Variants in ATF3 observed in about 807,000 individuals in gnomAD.
The protein encoded by ATF3 is activating transcription factor 3, also known as cyclic AMP-dependent transcription factor ATF-3.
ATF3 carries 10 observed loss-of-function variants against 18.4 expected under a neutral mutation model. That is an observed-to-expected ratio of 0.54 (90% CI 0.34 to 0.92). ATF3 has a LOEUF of 0.92. ATF3 is among the 40% of genes least tolerant of loss of function. The pLI, the probability that ATF3 is intolerant of heterozygous loss-of-function variation, is 0.02. For missense variants in ATF3, 183 were observed against 222.3 expected (o/e 0.82, Z 1.12); for synonymous variants, 78 against 87.9 (o/e 0.89, Z 0.63).
chr1:212,617,757 A>G (rs1266728604), intron 2 of ATF3, among the ~76,000 whole-genome samples: 1 of 152,164 alleles, frequency 6.6e-6, no homozygotes, highest in Non-Finnish European at 1.5e-5. Context: ...AAGAAAGGAG[A>G]TGTTTACCAG....
At chr1:212,572,254 C>CGTGGTGA (rs1664498011) in intron 1 of ATF3, among the ~76,000 whole-genome samples, 1 of 152,082 alleles carries the variant, frequency 6.6e-6, no homozygotes, top group African/African-American at 2.4e-5. Flanking sequence ...TGGTGGTTCA[C>CGTGGTGA]GTCTGTAATC....
Position 212,618,105 on chromosome 1 carries a change from G to T in ATF3, c.241-22G>T, listed in dbSNP as rs371631256. 6.2e-7 allele frequency: 1 copy of T among 1,612,668 alleles called. No individual in the cohort carries two copies. Among genetic ancestry groups the T allele is most frequent in the Non-Finnish European group, 8.5e-7 (1 of 1,178,842 alleles). Reference sequence around the variant, plus strand: ...TGGCATTTCTTACTGCCCTTTAAATGTGTTTCTTTTGGATTTTACAGGTAG... The same window carrying T: ...TGGCATTTCTTACTGCCCTTTAAATTTGTTTCTTTTGGATTTTACAGGTAG... On this transcript the variant is annotated intron_variant, in intron 2 of 3. Coordinates refer to ENST00000341491, the MANE Select transcript of ATF3 (RefSeq NM_001674.4). The surrounding 1 kb of genome is among the most constrained non-coding windows in gnomAD (Gnocchi z 4.4).
intron 1 of ATF3, among the ~76,000 whole-genome samples, chr1:212,577,547 C>T (rs567565318): frequency 2.0e-5 from 3 of 152,160 alleles, no homozygotes; most frequent in African/African-American, 7.2e-5. Flanking sequence ...ACCAACATCG[C>T]TTCAACTCAC....
chr1:212,619,791 A>G lies in ATF3; in HGVS notation c.*236A>G, dbSNP rs937439872. The G allele has an allele frequency of 8.8e-6, 4 of 454,690 alleles. No homozygotes were observed. The highest frequency in any genetic ancestry group is 8.0e-5 in the African/African-American group (4 of 50,124). 28.2% of individuals were successfully genotyped at this position (454,690 alleles called of 1,614,324 possible). A position where few individuals can be genotyped will look rare whatever the true frequency, so the allele number is the denominator to read the frequency against. ...TCAACTCCAGGATTTAGGCCTTAAC[A>G]CACTGGCCATTCTTATGTTCCAGAT... is the stretch of plus-strand genomic sequence containing the variant. On this transcript the variant is annotated 3_prime_UTR_variant, in exon 4 of 4. Transcript: ENST00000341491. The surrounding 1 kb of genome is among the most constrained non-coding windows in gnomAD (Gnocchi z 4.4).
At chr1:212,611,430 C>A (rs1263628420) in intron 1 of ATF3, among the ~76,000 whole-genome samples, 1 of 152,110 alleles carries the variant, frequency 6.6e-6, no homozygotes, top group Admixed American at 6.5e-5. Flanking sequence ...TCTCAACAGC[C>A]CTTTGGGGAA....
At position 212,620,025 on chromosome 1, in the gene ATF3, A is replaced by C. The variant is rs1225780830; in HGVS notation, c.*470A>C. On this transcript the variant is annotated 3_prime_UTR_variant, in exon 4 of 4. Transcript: ENST00000341491. ...TGCAACGGCCAGGGTTGTGCTTTCTAGCAAATATGCTGTTATGTCCAGAAA... is the reference window on the plus strand; with the variant it reads ...TGCAACGGCCAGGGTTGTGCTTTCTCGCAAATATGCTGTTATGTCCAGAAA... 4.9e-6 allele frequency: 1 copy of C among 204,468 alleles called. No homozygotes were observed. The highest frequency in any genetic ancestry group is 2.3e-5 in the African/African-American group (1 of 43,364). The allele number at this position is 204,468 out of a possible 1,614,324, so 12.7% of individuals were successfully genotyped here.
At chr1:212,613,042 G>T (rs1035777752) in intron 1 of ATF3, among the ~76,000 whole-genome samples, 1 of 152,182 alleles carries the variant, frequency 6.6e-6, no homozygotes, top group African/African-American at 2.4e-5. Context: ...AAAAAGCCAC[G>T]GGGAGGTACA....
Position 212,619,175 on chromosome 1 carries a change from TGAA to T in ATF3, c.349-177_349-175del. 6.2e-7 allele frequency: 1 copy of T among 1,613,244 alleles called. No homozygotes were observed. The highest frequency in any genetic ancestry group is 2.2e-5 in the East Asian group (1 of 44,880). Reference sequence around the variant, plus strand: ...CTCTGTGGCATCACCAGGGTTTCTCTGAAGAAGAGGGTCTGCATTTTCCTAAAC... The same window carrying T: ...CTCTGTGGCATCACCAGGGTTTCTCTGAAGAGGGTCTGCATTTTCCTAAAC... On this transcript the variant is annotated intron_variant, in intron 3 of 3. Transcript: ENST00000341491. This position sits in a 1 kb window ranked among gnomAD's most constrained non-coding sequence, Gnocchi z 4.4.
chr1:212,569,559 G>T (rs78906668), intron 1 of ATF3, among the ~76,000 whole-genome samples: 1 of 152,210 alleles, frequency 6.6e-6, no homozygotes, highest in South Asian at 2.1e-4. Flanking sequence ...CAGTGGAGAC[G>T]CAGGGGAAAG....
At chr1:212,578,772 G>A (rs945543175) in intron 1 of ATF3, among the ~76,000 whole-genome samples, 4 of 151,892 alleles carry the variant, frequency 2.6e-5, no homozygotes, top group Admixed American at 6.6e-5. Context: ...TCCCTCACTC[G>A]GTGCTCATCC....
At chr1:212,595,638 A>G (rs1415768519) in intron 1 of ATF3, among the ~76,000 whole-genome samples, 2 of 152,220 alleles carry the variant, frequency 1.3e-5, no homozygotes, top group Non-Finnish European at 2.9e-5. Context: ...AGAAACAAAA[A>G]TATCCTCTAA....
intron 1 of ATF3, among the ~76,000 whole-genome samples, chr1:212,612,275 G>A (rs1204940341): frequency 6.6e-6 from 1 of 152,168 alleles, no homozygotes; most frequent in Non-Finnish European, 1.5e-5. Context: ...TGGGACTGCT[G>A]ACTTTACATA....
chr1:212,619,315 G>A lies in ATF3; in HGVS notation c.349-43G>A. On this transcript the variant is annotated intron_variant, in intron 3 of 3. Transcript: ENST00000341491. This position sits in a 1 kb window ranked among gnomAD's most constrained non-coding sequence, Gnocchi z 4.4. ...AGCCCAGGCCACCCCCTCCTCACTG[G>A]CCCTTGGCTCCTTTCTTGATGCCTC... is the stretch of plus-strand genomic sequence containing the variant. The A allele has an allele frequency of 6.2e-7, 1 of 1,612,226 alleles. No homozygotes were observed. The highest frequency in any genetic ancestry group is 8.5e-7 in the Non-Finnish European group (1 of 1,179,972).
chr1:212,603,653 C>T (rs1407997237), intron 1 of ATF3, among the ~76,000 whole-genome samples: 1 of 152,106 alleles, frequency 6.6e-6, no homozygotes, highest in Non-Finnish European at 1.5e-5. Context: ...AATCATAGAA[C>T]ATCCATTGGC....
chr1:212,615,681 A>G lies in ATF3; in HGVS notation c.240+420A>G, dbSNP rs149035026. Reference sequence around the variant, plus strand: ...AGCTGGGCAAGGTGGTACATGGCCTATAGTCTCATCTACTTGCGAGGCTGA... The same window carrying G: ...AGCTGGGCAAGGTGGTACATGGCCTGTAGTCTCATCTACTTGCGAGGCTGA... On this transcript the variant is annotated intron_variant, in intron 2 of 3. Transcript: ENST00000341491. Among the ~76,000 whole-genome samples the G allele has an allele frequency of 3.4e-3, 518 of 151,782 alleles. 3 individuals carry two copies. Among genetic ancestry groups the G allele is most frequent in the African/African-American group, 0.012 (490 of 41,460 alleles).
intron 1 of ATF3, among the ~76,000 whole-genome samples, chr1:212,594,621 G>A (rs2102636777): frequency 6.6e-6 from 1 of 152,324 alleles, no homozygotes; most frequent in Middle Eastern, 3.4e-3. Context: ...GATGAGGGTG[G>A]CAGGGGTACA....
chr1:212,617,869 T>TA (rs1655194441), intron 2 of ATF3, among the ~76,000 whole-genome samples: 1 of 152,258 alleles, frequency 6.6e-6, no homozygotes, highest in South Asian at 2.1e-4. Context: ...TAAAATTGGC[T>TA]AACTTTTAAT....
rs192843109 is a variant in ATF3 at position 212,615,291 on chromosome 1, C to T, written c.240+30C>T. 649 of 1,609,822 alleles carry T rather than the reference C, an allele frequency of 4.0e-4. 2 individuals are homozygous for T. In the African/African-American group the frequency reaches 6.5e-3, roughly 16 times the overall value. On this transcript the variant is annotated intron_variant, in intron 2 of 3. Coordinates refer to ENST00000341491, the MANE Select transcript of ATF3 (RefSeq NM_001674.4). Reference sequence around the variant, plus strand: ...GTTCTATCACAGGTATTCATTCTTTCGGCACATGTTTCGCTCGCAGCCACT... The same window carrying T: ...GTTCTATCACAGGTATTCATTCTTTTGGCACATGTTTCGCTCGCAGCCACT...
At chr1:212,567,776 G>A (rs1664410342) in intron 1 of ATF3, among the ~76,000 whole-genome samples, 1 of 152,192 alleles carries the variant, frequency 6.6e-6, no homozygotes, top group Admixed American at 6.5e-5. Context: ...AAGCCCATGG[G>A]GAGGGGGACT....
Sources: allele counts gnomAD v4.1 joint callset (sites outside exome capture counted in the v4.1 genomes callset), GRCh38; gene constraint gnomAD v4.1.1; non-coding constraint Gnocchi (gnomAD v3.1); transcripts MANE v1.5; gene names NCBI Gene and HGNC (gene_info 2026-07-23, HGNC 2026-07-21).